BCAM: variants seen among roughly 807,000 people sequenced by gnomAD.
BCAM encodes the protein basal cell adhesion molecule (Lutheran blood group).
In BCAM, 61 loss-of-function variants were observed where a neutral mutation model predicts 72.4. That is an observed-to-expected ratio of 0.84 (90% confidence interval 0.69 to 1.04). BCAM has a LOEUF of 1.04. Among genes scored for constraint, BCAM ranks in the 50% least tolerant of loss-of-function variants. BCAM has a pLI of 0.00. For missense variants in BCAM, 909 were observed against 895.0 expected (o/e 1.02, Z -0.20); for synonymous variants, 408 against 384.2 (o/e 1.06, Z -0.73).
Position 44,813,778 on chromosome 19 carries a change from A to G in BCAM, c.784+158A>G. Reference sequence around the variant, plus strand: ...TGCTGGCCACTGACCTCTGACCTCAATTGGTCGCACAAGCCCCATCCTGAC... The same window carrying G: ...TGCTGGCCACTGACCTCTGACCTCAGTTGGTCGCACAAGCCCCATCCTGAC... On this transcript the variant is annotated intron_variant, in intron 6 of 14. Coordinates refer to ENST00000270233, the MANE Select transcript of BCAM (RefSeq NM_005581.5). This position sits in a 1 kb window ranked among gnomAD's most constrained non-coding sequence, Gnocchi z 4.2. 3 of 1,077,160 alleles carry G rather than the reference A, an allele frequency of 2.8e-6. No individual in the cohort carries two copies. Among genetic ancestry groups the G allele is most frequent in the Non-Finnish European group, 3.9e-6 (3 of 769,466 alleles). The allele number at this position is 1,077,160 out of a possible 1,614,324, so 66.7% of individuals were successfully genotyped here. A position where few individuals can be genotyped will look rare whatever the true frequency, so the allele number is the denominator to read the frequency against.
At chr19:44,820,036 T>TC in intron 13 of BCAM, 1 of 1,237,272 alleles carries the variant, frequency 8.1e-7, no homozygotes, top group South Asian at 2.8e-5. Flanking sequence ...TGCCCCTAGC[T>TC]CAGCCTCATC....
Position 44,814,887 on chromosome 19 carries a change from T to G in BCAM, c.1078+127T>G. ...TCTGCCTTCAACCCTTTCTCTGCAT[T>G]TCTTGGGGGTTTTTTTGGTTGTTTT... On this transcript the variant is annotated intron_variant, in intron 8 of 14. Transcript: ENST00000270233. The surrounding 1 kb of genome is among the most constrained non-coding windows in gnomAD (Gnocchi z 4.6). 9.1e-7 allele frequency: 1 copy of G among 1,102,262 alleles called. No homozygotes were observed. The highest frequency in any genetic ancestry group is 1.2e-6 in the Non-Finnish European group (1 of 845,708). 68.3% of individuals were successfully genotyped at this position (1,102,262 alleles called of 1,614,324 possible). A position where few individuals can be genotyped will look rare whatever the true frequency, so the allele number is the denominator to read the frequency against.
At position 44,820,702 on chromosome 19, in the gene BCAM, C is replaced by G. The variant is rs762306931; in HGVS notation, c.1764-3C>G. 4.3e-6 allele frequency: 6 copies of G among 1,407,714 alleles called. No individual in the cohort carries two copies. The highest frequency in any genetic ancestry group is 1.5e-5 in the African/African-American group (1 of 68,254). 87.2% of individuals were successfully genotyped at this position (1,407,714 alleles called of 1,614,324 possible). On this transcript the variant is annotated splice_region_variant and splice_polypyrimidine_tract_variant and intron_variant, in intron 13 of 14. Coordinates refer to ENST00000270233, the MANE Select transcript of BCAM (RefSeq NM_005581.5). Reference sequence around the variant, plus strand: ...GCCTCCGCCCGCTGCCTCCTCCCCCCAGGCCGCCAGGGGAGCCAGGGCTGA... The same window carrying G: ...GCCTCCGCCCGCTGCCTCCTCCCCCGAGGCCGCCAGGGGAGCCAGGGCTGA...
At position 44,819,067 on chromosome 19, in the gene BCAM, C is replaced by T. The variant is rs772951773; in HGVS notation, c.1348C>T (p.Leu450=). The stretch of plus-strand genomic sequence containing the variant: ...CCCACCACCCACAGGCTCGCCAGAG[C>T]TAAAGACAGCGGAAATAGAGCCCAA... ...FTLLVQGSPE[L]KTAEIEPKAD... Residue 450 remains leucine (L), a synonymous_variant, in exon 11 of 15, where the codon CTA becomes TTA. Transcript: ENST00000270233. 3.1e-6 allele frequency: 5 copies of T among 1,613,920 alleles called. No homozygotes were observed. The highest frequency in any genetic ancestry group is 2.2e-5 in the South Asian group (2 of 91,084).
Position 44,821,252 on chromosome 19 carries a change from G to A in BCAM, c.*331G>A, listed in dbSNP as rs1476296866. On this transcript the variant is annotated 3_prime_UTR_variant, in exon 15 of 15. Transcript: ENST00000270233. ...CTGGCCGGAGCTATTTTTACCTCCC[G>A]CCTCCCCTGCTGGTCCCCCCACCTG... 1.6e-5 allele frequency: 5 copies of A among 321,028 alleles called. No homozygotes were observed. The highest frequency in any genetic ancestry group is 4.3e-5 in the African/African-American group (2 of 46,712). The allele number at this position is 321,028 out of a possible 1,614,324, so 19.9% of individuals were successfully genotyped here.
chr19:44,809,251 T>C, intron 1 of BCAM, 45 bp downstream of exon 1: 1 of 1,358,238 alleles, frequency 7.4e-7, no homozygotes. Context: ...GAGAGGCCCC[T>C]GGGGACCCCG....
At chr19:44,820,541 T>A in intron 13 of BCAM, 164 bp from the exon 14 acceptor site, 3 of 1,269,494 alleles carry the variant, frequency 2.4e-6, no homozygotes, top group Non-Finnish European at 3.0e-6. Flanking sequence ...CCCAGTGCCA[T>A]TACCAGCCCC....
At chr19:44,809,494 C>A (rs1162790171) in intron 1 of BCAM, among the ~76,000 whole-genome samples, 2 of 152,032 alleles carry the variant, frequency 1.3e-5, no homozygotes, top group Non-Finnish European at 2.9e-5. Context: ...CTCCCTCAGA[C>A]CCTGGAATCT....
intron 13 of BCAM, chr19:44,820,489 T>G (rs1968569570): frequency 1.6e-6 from 2 of 1,255,050 alleles, no homozygotes; most frequent in Non-Finnish European, 2.0e-6. Flanking sequence ...CATTCCCACC[T>G]CCAACCCCAA....
chr19:44,813,162 G>A lies in BCAM; in HGVS notation c.505-88G>A, dbSNP rs1968449894. 1.4e-6 allele frequency: 2 copies of A among 1,444,378 alleles called. No individual in the cohort carries two copies. Among genetic ancestry groups the A allele is most frequent in the East Asian group, 2.3e-5 (1 of 43,848 alleles). 89.5% of individuals were successfully genotyped at this position (1,444,378 alleles called of 1,614,324 possible). ...GTCGGGAGTTAGGAGCCCGGCTCATGAGTCTGAGTGGGGAGAACTCCTGAG... is the reference window on the plus strand; with the variant it reads ...GTCGGGAGTTAGGAGCCCGGCTCATAAGTCTGAGTGGGGAGAACTCCTGAG... On this transcript the variant is annotated intron_variant, in intron 4 of 14. Coordinates refer to ENST00000270233, the MANE Select transcript of BCAM (RefSeq NM_005581.5). The surrounding 1 kb of genome is among the most constrained non-coding windows in gnomAD (Gnocchi z 4.2).
Position 44,814,395 on chromosome 19 carries a change from A to G in BCAM, c.921+107A>G, listed in dbSNP as rs1968475038. 6.7e-7 allele frequency: 1 copy of G among 1,483,756 alleles called. No homozygotes were observed. 91.9% of individuals were successfully genotyped at this position (1,483,756 alleles called of 1,614,324 possible). A position where few individuals can be genotyped will look rare whatever the true frequency, so the allele number is the denominator to read the frequency against. Reference sequence around the variant, plus strand: ...TGGGACCTGGGAGTCCCCATGGCTTAGGCAGCCACCTGATCTGGTGGCCCA... The same window carrying G: ...TGGGACCTGGGAGTCCCCATGGCTTGGGCAGCCACCTGATCTGGTGGCCCA... On this transcript the variant is annotated intron_variant, in intron 7 of 14. Coordinates refer to ENST00000270233, the MANE Select transcript of BCAM (RefSeq NM_005581.5). This position sits in a 1 kb window ranked among gnomAD's most constrained non-coding sequence, Gnocchi z 4.6.
In BCAM at chr19:44,813,363, C is replaced by T. The variant is rs369755665; in HGVS notation, c.601+17C>T. On this transcript the variant is annotated intron_variant, in intron 5 of 14. Coordinates refer to ENST00000270233, the MANE Select transcript of BCAM (RefSeq NM_005581.5). This position sits in a 1 kb window ranked among gnomAD's most constrained non-coding sequence, Gnocchi z 4.2. ...TGAACCCAGGTGAGCAGCGCAGGAG[C>T]GCGGCGGGACGTGGGCTGGGGTGGG... 5 of 1,611,712 alleles carry T rather than the reference C, an allele frequency of 3.1e-6. No individual in the cohort carries two copies. Among genetic ancestry groups the T allele is most frequent in the Admixed American group, 3.3e-5 (2 of 59,880 alleles).
In BCAM at chr19:44,812,879, G is replaced by A. The variant is rs1486403263; in HGVS notation, c.504+331G>A. On this transcript the variant is annotated intron_variant, in intron 4 of 14. Transcript: ENST00000270233. This position sits in a 1 kb window ranked among gnomAD's most constrained non-coding sequence, Gnocchi z 5.3. ...ACAGGAGAATCACTCGAACCCAGAA[G>A]GCAGAGGCTACAGTGAGCTAAGATC... 9.3e-6 allele frequency: 4 copies of A among 429,590 alleles called. No homozygotes were observed. The highest frequency in any genetic ancestry group is 2.9e-5 in the South Asian group (1 of 34,820). The allele number at this position is 429,590 out of a possible 1,614,324, so 26.6% of individuals were successfully genotyped here.
At position 44,819,650 on chromosome 19, in the gene BCAM, C is replaced by T; in HGVS notation, c.1687C>T (p.Leu563Phe). 2 of 1,613,632 alleles carry T rather than the reference C, an allele frequency of 1.2e-6. No individual in the cohort carries two copies. Residue 563 changes from leucine (L) to phenylalanine (F), a missense_variant, in exon 13 of 15, where the codon CTC becomes TTC. Transcript: ENST00000270233. ...AVAVSVGLLL[L>F]VVAVFYCVRR... is the part of the protein sequence containing the mutation. ...GGCCGTCAGCGTGGGCCTCCTGCTC[C>T]TCGTCGTTGCTGTCTTCTACTGCGT...
rs540074373 is a variant in BCAM, at chr19:44,810,340, AG to A, written c.83-879del. On this transcript the variant is annotated intron_variant, in intron 1 of 14. Transcript: ENST00000270233. ...TCCCGTTTGCTGTTGTATCAAACTG[AG>A]GGGGGCCAAGAGGCGGCTGGGGGCT... Among the ~76,000 whole-genome samples, 5 of 152,178 alleles carry A rather than the reference AG, an allele frequency of 3.3e-5. No individual in the cohort carries two copies. In the South Asian group the frequency reaches 1.0e-3, roughly 32 times the overall value.
At chr19:44,811,792 G>A (rs1201812600) in intron 2 of BCAM, 3 of 354,200 alleles carry the variant, frequency 8.5e-6, no homozygotes, top group East Asian at 7.0e-5. Context: ...GGCTGAGGCA[G>A]GAGAATCGCT....
At chr19:44,816,235 A>G (rs931307546) in intron 8 of BCAM, among the ~76,000 whole-genome samples, 8 of 151,450 alleles carry the variant, frequency 5.3e-5, no homozygotes, top group African/African-American at 1.9e-4. Context: ...GCTTGAACCC[A>G]GGAAGCGGAG....
Position 44,813,681 on chromosome 19 carries a change from C to A in BCAM, c.784+61C>A. 6.4e-7 allele frequency: 1 copy of A among 1,563,080 alleles called. No homozygotes were observed. Among genetic ancestry groups the A allele is most frequent in the Non-Finnish European group, 8.7e-7 (1 of 1,153,242 alleles). ...GCTCCACACCTCATGAGGCCTGACC[C>A]TCCACCCGGGGGCTTCACACTCCCC... On this transcript the variant is annotated intron_variant, in intron 6 of 14. Coordinates refer to ENST00000270233, the MANE Select transcript of BCAM (RefSeq NM_005581.5). This position sits in a 1 kb window ranked among gnomAD's most constrained non-coding sequence, Gnocchi z 4.2.
In BCAM at chr19:44,812,303, C is replaced by T. The variant is rs1378374012; in HGVS notation, c.345C>T (p.Ala115=). Reference sequence around the variant, plus strand: ...AGGGGCGCCTGGTGCTGGCTGAGGCCCAGGTGGGCGACGAGCGAGACTACG... The same window carrying T: ...AGGGGCGCCTGGTGCTGGCTGAGGCTCAGGTGGGCGACGAGCGAGACTACG... ...DSQGRLVLAE[A]QVGDERDYVC... Residue 115 remains alanine, a synonymous_variant, in exon 3 of 15, where the codon GCC becomes GCT. Coordinates refer to ENST00000270233, the MANE Select transcript of BCAM (RefSeq NM_005581.5). The surrounding 1 kb of genome is among the most constrained non-coding windows in gnomAD (Gnocchi z 5.3). 1 of 1,612,202 alleles carries T rather than the reference C, an allele frequency of 6.2e-7. No individual in the cohort carries two copies. The highest frequency in any genetic ancestry group is 1.7e-5 in the Admixed American group (1 of 59,860).
Sources: gnomAD v4.1 joint callset for allele counts (sites outside exome capture counted in the v4.1 genomes callset) on GRCh38, gnomAD v4.1.1 for gene constraint, Gnocchi (gnomAD v3.1) non-coding constraint, MANE v1.5 for transcripts, NCBI Gene and HGNC (gene_info 2026-07-23, HGNC 2026-07-21) for gene names.